PCDHA1: variants seen among roughly 807,000 people sequenced by gnomAD.
PCDHA1 encodes protocadherin alpha-1.
PCDHA1 carries 42 observed loss-of-function variants against 61.3 expected under a neutral mutation model. That is an observed-to-expected ratio of 0.69 (90% confidence interval 0.54 to 0.89). The LOEUF (loss-of-function observed/expected upper bound fraction) is 0.89. Among genes scored for constraint, PCDHA1 ranks in the 40% least tolerant of loss-of-function variants. The pLI, the probability that PCDHA1 is intolerant of heterozygous loss-of-function variation, is 0.00. For missense variants in PCDHA1, 1,256 were observed against 1,235.3 expected, an observed-to-expected ratio of 1.02 and a Z score of -0.25; for synonymous variants, 610 against 553.8, an observed-to-expected ratio of 1.10 and a Z score of -1.43.
intron 1 of PCDHA1, chr5:140,966,689 G>A (rs1002366053): frequency 2.2e-6 from 3 of 1,343,650 alleles, no homozygotes; most frequent in Non-Finnish European, 2.9e-6. Context: ...GAGCGGAGGC[G>A]GGGCCCGGGC....
At position 140,849,642 on chromosome 5, in the gene PCDHA1, G is replaced by A. The variant is rs2150443693; in HGVS notation, c.2394+60958G>A. 5 of 1,598,584 alleles carry A rather than the reference G, an allele frequency of 3.1e-6. No individual in the cohort carries two copies. The African/African-American group carries it at 4.0e-5, about 13-fold the overall frequency. Reference sequence around the variant, plus strand: ...GATCGACCTAGACGCAGATGCCAACGGGCAGGTTACCTGCTCCCTGACGCC... The same window carrying A: ...GATCGACCTAGACGCAGATGCCAACAGGCAGGTTACCTGCTCCCTGACGCC... On this transcript the variant is annotated intron_variant, in intron 1 of 3. Coordinates refer to ENST00000504120, the MANE Select transcript of PCDHA1 (RefSeq NM_018900.4).
chr5:140,822,292 C>T, intron 1 of PCDHA1: 1 of 1,614,190 alleles, frequency 6.2e-7, no homozygotes. Context: ...CAGGTTAAAT[C>T]CAAACGAATA....
At chr5:140,870,544 G>A in intron 1 of PCDHA1, 1 of 1,614,124 alleles carries the variant, frequency 6.2e-7, no homozygotes, top group South Asian at 1.1e-5. Context: ...GGCGCGGGAC[G>A]CGGACGCGCA....
intron 1 of PCDHA1, chr5:140,926,320 C>G (rs555057115): frequency 2.5e-3 from 377 of 152,358 alleles, no homozygotes; most frequent in Non-Finnish European, 3.8e-3. Flanking sequence ...AGAGGTGCGC[C>G]GGGGTCAGAG....
At chr5:140,829,749 T>C in intron 1 of PCDHA1, 1 of 1,613,676 alleles carries the variant, frequency 6.2e-7, no homozygotes, top group Non-Finnish European at 8.5e-7. Context: ...ACGCTGCAGG[T>C]GTTCGTGCTG....
chr5:140,835,454 C>T (rs782148594), intron 1 of PCDHA1: 4 of 1,613,928 alleles, frequency 2.5e-6, no homozygotes, highest in Non-Finnish European at 3.4e-6. Flanking sequence ...CCCTGTCTCT[C>T]CCTATTCCAG....
intron 1 of PCDHA1, among the ~76,000 whole-genome samples, chr5:140,914,496 C>A (rs782459538): frequency 1.2e-4 from 19 of 152,136 alleles, no homozygotes; most frequent in Non-Finnish European, 4.4e-5. Context: ...TTGTGGGCAA[C>A]AGATCATTGG....
chr5:140,830,354 C>T (rs2150185231), intron 1 of PCDHA1: 11 of 1,613,990 alleles, frequency 6.8e-6, no homozygotes, highest in African/African-American at 4.0e-5. Context: ...GCAGCAGAGG[C>T]GGCAGAGGGT....
Position 140,829,037 on chromosome 5 carries a change from T to C in PCDHA1, c.2394+40353T>C, listed in dbSNP as rs2150162033. ...TTTGGATTTTGAACAAGAAAACTTA[T>C]ACAAAATCCTCATTGACGCCACGGA... On this transcript the variant is annotated intron_variant, in intron 1 of 3. Coordinates refer to ENST00000504120, the MANE Select transcript of PCDHA1 (RefSeq NM_018900.4). 9.3e-6 allele frequency: 15 copies of C among 1,613,076 alleles called. No homozygotes were observed. Among genetic ancestry groups the C allele is most frequent in the Non-Finnish European group, 1.0e-5 (12 of 1,179,162 alleles).
intron 1 of PCDHA1, among the ~76,000 whole-genome samples, chr5:140,917,223 C>T (rs1351907671): frequency 2.0e-5 from 3 of 150,934 alleles, no homozygotes; most frequent in African/African-American, 4.9e-5. Flanking sequence ...TTTAGTGATA[C>T]GTTGTTAAAT....
At chr5:140,893,771 T>C (rs1428542584) in intron 1 of PCDHA1, among the ~76,000 whole-genome samples, 1 of 152,186 alleles carries the variant, frequency 6.6e-6, no homozygotes, top group African/African-American at 2.4e-5. Flanking sequence ...CTTGTCACTT[T>C]TCTTTTACCG....
chr5:140,952,948 A>AG (rs1177459807), intron 1 of PCDHA1, among the ~76,000 whole-genome samples: 39 of 152,028 alleles, frequency 2.6e-4, no homozygotes, highest in African/African-American at 8.5e-4. Context: ...GAGAGAGAGA[A>AG]GGGGGAAGTG....
chr5:140,929,409 T>C, intron 1 of PCDHA1: 11 of 1,506,206 alleles, frequency 7.3e-6, no homozygotes, highest in Non-Finnish European at 9.8e-6. Context: ...GACAAGCCTT[T>C]CACAACATTT....
At position 140,803,382 on chromosome 5, in the gene PCDHA1, G is replaced by A. The variant is rs547051375; in HGVS notation, c.2394+14698G>A. 3.3e-5 allele frequency: 53 copies of A among 1,614,202 alleles called. No individual in the cohort carries two copies. The South Asian group carries it at 5.2e-4, about 16-fold the overall frequency. ...TCTGCGGTGCTCCGCGCCGCCAACCGAAGGCGACTGTGGGCCGGGCAAGCC... is the reference window on the plus strand; with the variant it reads ...TCTGCGGTGCTCCGCGCCGCCAACCAAAGGCGACTGTGGGCCGGGCAAGCC... On this transcript the variant is annotated intron_variant, in intron 1 of 3. Transcript: ENST00000504120.
chr5:140,928,801 G>C, intron 1 of PCDHA1: 1 of 1,614,184 alleles, frequency 6.2e-7, no homozygotes, highest in Non-Finnish European at 8.5e-7. Context: ...GGTGGTGGTA[G>C]TGGTTCGGGA....
chr5:140,855,827 A>G lies in PCDHA1; in HGVS notation c.2394+67143A>G. 2 of 557,722 alleles carry G rather than the reference A, an allele frequency of 3.6e-6. 1 individual carries two copies. Among genetic ancestry groups the G allele is most frequent in the South Asian group, 5.7e-5 (2 of 35,188 alleles). 34.5% of individuals were successfully genotyped at this position (557,722 alleles called of 1,614,324 possible). A position where few individuals can be genotyped will look rare whatever the true frequency, so the allele number is the denominator to read the frequency against. The stretch of plus-strand genomic sequence containing the variant: ...GAAAGAAAAGTTGTGAACTCATGGA[A>G]TCGTACTTACACCTAAAGCCACCGG... On this transcript the variant is annotated intron_variant, in intron 1 of 3. Coordinates refer to ENST00000504120, the MANE Select transcript of PCDHA1 (RefSeq NM_018900.4).
chr5:140,849,638 C>T (rs2041012069), intron 1 of PCDHA1: 1 of 1,598,650 alleles, frequency 6.3e-7, no homozygotes, highest in African/African-American at 1.3e-5. Flanking sequence ...ACGCAGATGC[C>T]AACGGGCAGG....
chr5:140,995,674 A>AT (rs1240189428), intron 3 of PCDHA1, among the ~76,000 whole-genome samples: 2 of 152,112 alleles, frequency 1.3e-5, no homozygotes, highest in South Asian at 2.1e-4. Context: ...TAAATGCAGC[A>AT]TTTTTTTTAA....
chr5:140,836,281 C>A, intron 1 of PCDHA1: 2 of 1,613,732 alleles, frequency 1.2e-6, no homozygotes, highest in Non-Finnish European at 1.7e-6. Flanking sequence ...GAGATCAGCA[C>A]GACACGAGCC....
Sources: allele counts gnomAD v4.1 joint callset (sites outside exome capture counted in the v4.1 genomes callset), GRCh38; gene constraint gnomAD v4.1.1; transcripts MANE v1.5; gene names NCBI Gene and HGNC (gene_info 2026-07-23, HGNC 2026-07-21).